Variants in ANK3 observed in about 807,000 individuals in gnomAD.
ANK3 encodes ankyrin-3.
ANK3 carries 57 observed loss-of-function variants against 370.9 expected under a neutral mutation model. That is an observed-to-expected ratio of 0.15 (90% CI 0.12 to 0.19). The LOEUF is 0.19. Ranked by LOEUF, ANK3 falls within the 10% of genes least tolerant of loss-of-function variation. The probability of loss-of-function intolerance (pLI) is 1.00; values close to 1 mark genes in which losing one functional copy is unlikely to be tolerated. For missense variants in ANK3, 4,439 were observed against 5,302.1 expected, an observed-to-expected ratio of 0.84 and a Z score of 5.06; for synonymous variants, 1,929 against 1,946.3, an observed-to-expected ratio of 0.99 and a Z score of 0.23.
intron 2 of ANK3, among the ~76,000 whole-genome samples, chr10:60,482,844 T>C (rs980356575): frequency 1.3e-5 from 2 of 151,924 alleles, no homozygotes; most frequent in African/African-American, 2.4e-5. Flanking sequence ...GCAAAAAGAC[T>C]TAAGATTTCA....
intron 1 of ANK3, among the ~76,000 whole-genome samples, chr10:60,381,858 C>G (rs549508119): frequency 1.3e-5 from 2 of 152,300 alleles, no homozygotes; most frequent in East Asian, 3.9e-4. Context: ...TTAGTAGCAG[C>G]TTCTCTGTGA....
At chr10:60,165,020 A>G (rs2095590141) in intron 23 of ANK3, among the ~76,000 whole-genome samples, 1 of 152,198 alleles carries the variant, frequency 6.6e-6, no homozygotes, top group Non-Finnish European at 1.5e-5. Flanking sequence ...TCAAATTTCG[A>G]GATTCAAAAT....
intron 2 of ANK3, among the ~76,000 whole-genome samples, chr10:60,543,546 A>G (rs775128885): frequency 3.2e-4 from 49 of 152,044 alleles, no homozygotes; most frequent in Non-Finnish European, 6.6e-4. Flanking sequence ...ATAGGCACAC[A>G]TACACGCATT....
At chr10:60,135,921 C>T (rs2094321992) in intron 24 of ANK3, among the ~76,000 whole-genome samples, 1 of 151,876 alleles carries the variant, frequency 6.6e-6, no homozygotes, top group Non-Finnish European at 1.5e-5. Flanking sequence ...CCTCTCTTAT[C>T]CCCAAACAAC....
At chr10:60,209,986 A>G (rs946129320) in intron 9 of ANK3, among the ~76,000 whole-genome samples, 1 of 151,594 alleles carries the variant, frequency 6.6e-6, no homozygotes, top group African/African-American at 2.4e-5. Flanking sequence ...AGGTGGTATT[A>G]CATATGGTGC....
intron 18 of ANK3, among the ~76,000 whole-genome samples, chr10:60,175,956 T>C (rs1483001594): frequency 6.6e-6 from 1 of 152,188 alleles, no homozygotes; most frequent in African/African-American, 2.4e-5. Context: ...TAGCTATTAT[T>C]ACCTCGTGCT....
At chr10:60,177,581 T>A (rs1297392123) in intron 18 of ANK3, among the ~76,000 whole-genome samples, 3 of 145,164 alleles carry the variant, frequency 2.1e-5, no homozygotes, top group East Asian at 4.2e-4. Flanking sequence ...ATACCACACA[T>A]GGTCTTCAAA....
rs574954626 is a variant in ANK3 at position 60,442,042 on chromosome 10, CT to C, written c.97-162404del. Among the ~76,000 whole-genome samples, 117 of 151,992 alleles carry C rather than the reference CT, an allele frequency of 7.7e-4. 1 individual carries two copies. Among genetic ancestry groups the C allele is most frequent in the Admixed American group, 7.4e-3 (113 of 15,252 alleles). On this transcript the variant is annotated intron_variant, in intron 2 of 43. Coordinates refer to the ANK3 transcript ENST00000373827. ...CCAAAATTCAAGGATGCTCACACCC[CT>C]GATGTAAAATGATGTATCATTTGCA...
chr10:60,305,535 C>T (rs1164836850), intron 1 of ANK3, among the ~76,000 whole-genome samples: 1 of 152,114 alleles, frequency 6.6e-6, no homozygotes, highest in Non-Finnish European at 1.5e-5. Context: ...TGAGAAGAGA[C>T]AGCAGTTGGT....
intron 2 of ANK3, among the ~76,000 whole-genome samples, chr10:60,571,649 G>T (rs2077602721): frequency 6.6e-6 from 1 of 152,088 alleles, no homozygotes; most frequent in Non-Finnish European, 1.5e-5. Flanking sequence ...TGTTACAGAT[G>T]CACAACTGTC....
chr10:60,676,328 C>T (rs551039278), intron 1 of ANK3, among the ~76,000 whole-genome samples: 13 of 151,900 alleles, frequency 8.6e-5, no homozygotes, highest in African/African-American at 2.7e-4. Context: ...TTCATATGTC[C>T]GTTAAATTTT....
At chr10:60,064,672 G>GCAGCAA (rs2081275394) in intron 38 of ANK3, among the ~76,000 whole-genome samples, 1 of 146,102 alleles carries the variant, frequency 6.8e-6, no homozygotes, top group African/African-American at 2.5e-5. Context: ...CATACACACA[G>GCAGCAA]CAACAACAAC....
chr10:60,348,731 T>C (rs2056243295), intron 1 of ANK3, among the ~76,000 whole-genome samples: 1 of 152,216 alleles, frequency 6.6e-6, no homozygotes. Flanking sequence ...TTCTATTTTA[T>C]AGAAGGGTAC....
intron 2 of ANK3, among the ~76,000 whole-genome samples, chr10:60,467,876 CAA>C (rs2065045108): frequency 6.6e-6 from 1 of 151,390 alleles, no homozygotes; most frequent in African/African-American, 2.4e-5. Context: ...TACGGAGCTG[CAA>C]GTCATTGAAA....
rs775398281 is a variant in ANK3, at chr10:60,074,113, A to C, written c.6768T>G (p.Ser2256=). 5.0e-6 allele frequency: 8 copies of C among 1,613,834 alleles called. No individual in the cohort carries two copies. Among genetic ancestry groups the C allele is most frequent in the Non-Finnish European group, 6.8e-6 (8 of 1,179,962 alleles). The change falls in exon 37 of 44, where the codon TCT becomes TCG. Residue 2256 remains serine, a synonymous_variant. Transcript: ENST00000280772. ...CAGATGCACCTTCACCGCCTGGTGG[A>C]GAATGATAAACCATTCTGGTGGTTG... ...ITTTTRMVYH[S]PPGGEGASER... is the part of the protein sequence containing the mutation.
chr10:60,673,989 T>C (rs1301440559), intron 1 of ANK3, among the ~76,000 whole-genome samples: 2 of 152,098 alleles, frequency 1.3e-5, no homozygotes, highest in Non-Finnish European at 2.9e-5. Context: ...TTCACCAGGG[T>C]AGGAAGCAGT....
chr10:60,227,321 C>T (rs1019808981), intron 8 of ANK3, among the ~76,000 whole-genome samples: 3 of 151,818 alleles, frequency 2.0e-5, no homozygotes, highest in Admixed American at 6.6e-5. Flanking sequence ...ATTGTCTTTC[C>T]CATTCATGAT....
intron 23 of ANK3, chr10:60,139,918 T>C (rs1260122304): frequency 5.7e-6 from 1 of 174,924 alleles, no homozygotes; most frequent in African/African-American, 2.4e-5. Context: ...CTGGGACATT[T>C]CCCATCCTTC....
intron 18 of ANK3, among the ~76,000 whole-genome samples, chr10:60,180,914 C>T (rs1171037390): frequency 2.6e-5 from 4 of 152,084 alleles, no homozygotes; most frequent in Non-Finnish European, 4.4e-5. Flanking sequence ...TTTAAATAAG[C>T]CTTAATTTAT....
Sources: gnomAD v4.1 joint callset for allele counts (sites outside exome capture counted in the v4.1 genomes callset) on GRCh38, gnomAD v4.1.1 for gene constraint, MANE v1.5 for transcripts, NCBI Gene and HGNC (gene_info 2026-07-23, HGNC 2026-07-21) for gene names.